Variants in PARVA observed in about 807,000 individuals in gnomAD.
PARVA encodes parvin alpha, also known as alpha-parvin.
In PARVA, 25 loss-of-function variants were observed where a neutral mutation model predicts 52.6. That is an observed-to-expected ratio of 0.48 (90% CI 0.35 to 0.66). The LOEUF is 0.66. Ranked by LOEUF, PARVA falls within the 30% of genes least tolerant of loss-of-function variation. The pLI, the probability that PARVA is intolerant of heterozygous loss-of-function variation, is 0.01. For synonymous variants in PARVA, 185 were observed against 179.1 expected, an observed-to-expected ratio of 1.03 and a Z score of -0.26; for missense variants, 373 against 450.9, an observed-to-expected ratio of 0.83 and a Z score of 1.56.
chr11:12,486,965 A>G (rs981961807), intron 4 of PARVA, among the ~76,000 whole-genome samples: 3 of 152,340 alleles, frequency 2.0e-5, no homozygotes, highest in African/African-American at 7.2e-5. Context: ...GCAAAACAAC[A>G]CAGTCAGAAA....
intron 1 of PARVA, among the ~76,000 whole-genome samples, chr11:12,466,041 T>C (rs1201131203): frequency 6.6e-6 from 1 of 152,230 alleles, no homozygotes. Flanking sequence ...ATAGCCATTC[T>C]AGTTGATGTC....
chr11:12,493,744 T>C (rs1416184470), intron 4 of PARVA, among the ~76,000 whole-genome samples: 1 of 152,210 alleles, frequency 6.6e-6, no homozygotes, highest in African/African-American at 2.4e-5. Context: ...AATCCAATAA[T>C]GGAAAACACA....
intron 1 of PARVA, among the ~76,000 whole-genome samples, chr11:12,422,100 T>C (rs568488604): frequency 6.6e-6 from 1 of 152,252 alleles, no homozygotes; most frequent in South Asian, 2.1e-4. Context: ...TTATGCTTTT[T>C]TCCTAACTTA....
rs150522833 is a variant in PARVA, at chr11:12,466,058, T to C, written c.137-7687T>C. Among the ~76,000 whole-genome samples, 392 of 152,354 alleles carry C rather than the reference T, an allele frequency of 2.6e-3. 1 individual carries two copies. Among genetic ancestry groups the C allele is most frequent in the African/African-American group, 8.9e-3 (370 of 41,586 alleles). On this transcript the variant is annotated intron_variant, in intron 1 of 12. Transcript: ENST00000334956. ...AGCCATTCTAGTTGATGTCTAGTGA[T>C]ATCTCATTGGTGTTTTGTCATTCCC... is the stretch of plus-strand genomic sequence containing the variant.
chr11:12,475,285 G>C (rs1269638885), intron 3 of PARVA, among the ~76,000 whole-genome samples: 1 of 152,208 alleles, frequency 6.6e-6, no homozygotes, highest in Non-Finnish European at 1.5e-5. Context: ...ACGGCTGCTT[G>C]CTCCAGGAAG....
chr11:12,441,375 G>C (rs1400886294), intron 1 of PARVA, among the ~76,000 whole-genome samples: 1 of 151,234 alleles, frequency 6.6e-6, no homozygotes, highest in Non-Finnish European at 1.5e-5. Context: ...TTTCCTTGCA[G>C]ATCACTCTCC....
intron 1 of PARVA, among the ~76,000 whole-genome samples, chr11:12,401,012 TGAG>T (rs556291781): frequency 4.2e-4 from 64 of 152,242 alleles, no homozygotes; most frequent in African/African-American, 1.4e-3. Flanking sequence ...TTTAATAACA[TGAG>T]GAGATGTTTA....
At chr11:12,498,547 T>C (rs58057424) in intron 5 of PARVA, among the ~76,000 whole-genome samples, 2,719 of 151,270 alleles carry the variant, frequency 0.018, 74 homozygotes, top group African/African-American at 0.062. Context: ...CACTGCATCA[T>C]TTTGCTTGGT....
intron 1 of PARVA, among the ~76,000 whole-genome samples, chr11:12,433,518 T>C (rs1226756672): frequency 2.0e-5 from 3 of 152,200 alleles, no homozygotes; most frequent in African/African-American, 7.2e-5. Context: ...TTTTTTGTTT[T>C]TTGTTTTTTT....
chr11:12,378,379 T>A (rs1056744860), intron 1 of PARVA, among the ~76,000 whole-genome samples: 2 of 151,932 alleles, frequency 1.3e-5, no homozygotes, highest in Non-Finnish European at 2.9e-5. Flanking sequence ...GGACATCGAG[T>A]GTTTGTTGAA....
At chr11:12,523,643 C>A (rs975918800) in intron 12 of PARVA, among the ~76,000 whole-genome samples, 1 of 152,118 alleles carries the variant, frequency 6.6e-6, no homozygotes, top group Non-Finnish European at 1.5e-5. Context: ...AACAATGAGC[C>A]CTTTCCCCTT....
At chr11:12,428,190 G>A (rs1002634999) in intron 1 of PARVA, among the ~76,000 whole-genome samples, 2 of 152,338 alleles carry the variant, frequency 1.3e-5, no homozygotes, top group Admixed American at 1.3e-4. Context: ...TTGGGCAAAT[G>A]TGGAGTCTCT....
intron 1 of PARVA, among the ~76,000 whole-genome samples, chr11:12,386,783 G>A (rs987340602): frequency 5.3e-5 from 8 of 152,260 alleles, no homozygotes; most frequent in Admixed American, 4.6e-4. Flanking sequence ...GGTATTCTAT[G>A]ATTTCTGAGC....
Position 12,532,329 on chromosome 11 carries a change from T to C in PARVA, c.*4404T>C, listed in dbSNP as rs1402802394. On this transcript the variant is annotated 3_prime_UTR_variant, in exon 13 of 13. Coordinates refer to ENST00000334956, the MANE Select transcript of PARVA (RefSeq NM_018222.5). The stretch of plus-strand genomic sequence containing the variant: ...AGAAAGTTAGCTTACTGACGCTTTT[T>C]GTTTTCTAGTTGGAGCGCACCTCAG... Among the ~76,000 whole-genome samples, 1 of 152,252 alleles carries C rather than the reference T, an allele frequency of 6.6e-6. No homozygotes were observed. Among genetic ancestry groups the C allele is most frequent in the Non-Finnish European group, 1.5e-5 (1 of 68,054 alleles).
At chr11:12,392,266 C>CTTTTT (rs113647098) in intron 1 of PARVA, among the ~76,000 whole-genome samples, 1 of 136,214 alleles carries the variant, frequency 7.3e-6, no homozygotes, top group African/African-American at 2.7e-5. Flanking sequence ...TACTTCATTC[C>CTTTTT]TTTTTTTTTT....
chr11:12,377,792 G>C lies in PARVA; in HGVS notation c.136+9G>C. 2 of 1,481,980 alleles carry C rather than the reference G, an allele frequency of 1.3e-6. No individual in the cohort carries two copies. The highest frequency in any genetic ancestry group is 3.1e-5 in the East Asian group (1 of 32,740). 91.8% of individuals were successfully genotyped at this position (1,481,980 alleles called of 1,614,324 possible). On this transcript the variant is annotated intron_variant, in intron 1 of 12. Coordinates refer to ENST00000334956, the MANE Select transcript of PARVA (RefSeq NM_018222.5). ...GAAGAAAGCCAAGGAGGGTGAGTGC[G>C]GCCAGGCCGGCCGGGCGGGCGGTAG...
intron 6 of PARVA, among the ~76,000 whole-genome samples, chr11:12,507,993 C>T (rs367554984): frequency 4.6e-5 from 6 of 129,832 alleles, no homozygotes; most frequent in East Asian, 2.4e-4. Flanking sequence ...GATGGATGGA[C>T]GGACGGACGG....
intron 1 of PARVA, among the ~76,000 whole-genome samples, chr11:12,446,151 A>G (rs982684628): frequency 6.6e-6 from 1 of 152,212 alleles, no homozygotes; most frequent in Non-Finnish European, 1.5e-5. Context: ...ATCTAAAAAC[A>G]TAATATCCAA....
chr11:12,419,189 G>A (rs930718946), intron 1 of PARVA, among the ~76,000 whole-genome samples: 3 of 152,144 alleles, frequency 2.0e-5, no homozygotes, highest in Non-Finnish European at 4.4e-5. Flanking sequence ...AGTATAAAGT[G>A]CATTCACACT....
Sources: gnomAD v4.1 joint callset for allele counts (sites outside exome capture counted in the v4.1 genomes callset) on GRCh38, gnomAD v4.1.1 for gene constraint, MANE v1.5 for transcripts, NCBI Gene and HGNC (gene_info 2026-07-23, HGNC 2026-07-21) for gene names.